PHF14: variants seen among roughly 807,000 people sequenced by gnomAD.
PHF14 encodes PHD finger protein 14.
PHF14 carries 55 observed loss-of-function variants against 117.9 expected under a neutral mutation model. The ratio of observed to expected loss-of-function variants is 0.47; its 90% CI spans 0.38 to 0.58. The LOEUF (loss-of-function observed/expected upper bound fraction) is 0.58, where lower values mean the gene tolerates loss of function less well. Ranked by LOEUF, PHF14 falls within the 20% of genes least tolerant of loss-of-function variation. The pLI, the probability that PHF14 is intolerant of heterozygous loss-of-function variation, is 0.00. For synonymous variants in PHF14, 409 were observed against 368.6 expected (o/e 1.11, Z -1.26); for missense variants, 978 against 1,122.2 (o/e 0.87, Z 1.84).
At chr7:11,036,341 T>A in intron 8 of PHF14, 77 bp from the exon 9 acceptor site, 1 of 1,235,524 alleles carries the variant, frequency 8.1e-7, no homozygotes, top group Admixed American at 2.4e-5. Flanking sequence ...AACATGGGAA[T>A]AAAAATCAAT....
chr7:11,147,514 A>G (rs1172209615), intron 17 of PHF14, among the ~76,000 whole-genome samples: 1 of 152,078 alleles, frequency 6.6e-6, no homozygotes, highest in Non-Finnish European at 1.5e-5. Flanking sequence ...GTCACTTACA[A>G]TCTCTTTCTT....
chr7:11,120,850 T>C (rs981684572), intron 17 of PHF14, among the ~76,000 whole-genome samples: 2 of 152,126 alleles, frequency 1.3e-5, no homozygotes, highest in African/African-American at 4.8e-5. Flanking sequence ...CTGGTATGAA[T>C]AATAGGAAAA....
At chr7:11,057,808 G>A (rs961494105) in intron 14 of PHF14, among the ~76,000 whole-genome samples, 4 of 151,734 alleles carry the variant, frequency 2.6e-5, no homozygotes, top group Admixed American at 6.6e-5. Context: ...AGTTGATCAC[G>A]GACAGATTAC....
intron 6 of PHF14, among the ~76,000 whole-genome samples, chr7:11,023,990 G>A (rs1783824748): frequency 6.6e-6 from 1 of 152,134 alleles, no homozygotes; most frequent in Non-Finnish European, 1.5e-5. Context: ...CCAAAAGCTG[G>A]GCCTCTTCTG....
chr7:11,083,661 C>T (rs1206208099), intron 16 of PHF14, among the ~76,000 whole-genome samples: 3 of 151,860 alleles, frequency 2.0e-5, no homozygotes, highest in Non-Finnish European at 4.4e-5. Context: ...CAGGGTTTCA[C>T]CATCTTGGCC....
chr7:11,156,935 C>T (rs1172281234), intron 17 of PHF14, among the ~76,000 whole-genome samples: 1 of 152,172 alleles, frequency 6.6e-6, no homozygotes, highest in African/African-American at 2.4e-5. Context: ...TCACAATACT[C>T]ACCTTTGGGC....
chr7:10,996,460 T>C (rs1432563935), intron 4 of PHF14, among the ~76,000 whole-genome samples: 1 of 151,680 alleles, frequency 6.6e-6, no homozygotes, highest in Admixed American at 6.6e-5. Context: ...GGACCATGGG[T>C]GATGACCCAG....
chr7:11,006,184 A>G (rs1487763050), intron 4 of PHF14, among the ~76,000 whole-genome samples: 1 of 152,188 alleles, frequency 6.6e-6, no homozygotes, highest in African/African-American at 2.4e-5. Context: ...CTACTTGATA[A>G]CATTGCATAT....
intron 5 of PHF14, among the ~76,000 whole-genome samples, chr7:11,017,989 GT>G (rs1783590599): frequency 6.6e-6 from 1 of 152,126 alleles, no homozygotes. Flanking sequence ...TGGATATGCA[GT>G]TTTTCCAGCA....
intron 16 of PHF14, chr7:11,107,469 A>ATC (rs1320883594): frequency 1.2e-6 from 1 of 823,150 alleles, no homozygotes; most frequent in Non-Finnish European, 1.5e-6. Context: ...TTTAGTAAGA[A>ATC]TCTAATTAGG....
intron 17 of PHF14, among the ~76,000 whole-genome samples, chr7:11,162,877 A>G (rs1456761722): frequency 6.6e-6 from 1 of 152,108 alleles, no homozygotes; most frequent in Non-Finnish European, 1.5e-5. Flanking sequence ...GCTGCCACAA[A>G]GAAGTAAAAA....
At chr7:11,065,457 CTG>C (rs1785392139) in intron 16 of PHF14, among the ~76,000 whole-genome samples, 1 of 152,018 alleles carries the variant, frequency 6.6e-6, no homozygotes, top group Non-Finnish European at 1.5e-5. Context: ...TAAGTAATGA[CTG>C]AGTATTCTTT....
At chr7:11,000,990 T>A (rs1363868844) in intron 4 of PHF14, among the ~76,000 whole-genome samples, 1 of 151,942 alleles carries the variant, frequency 6.6e-6, no homozygotes, top group African/African-American at 2.4e-5. Flanking sequence ...CTATAATTTT[T>A]TAATTATAAA....
chr7:11,093,908 G>C (rs1786743868), intron 16 of PHF14, among the ~76,000 whole-genome samples: 1 of 152,042 alleles, frequency 6.6e-6, no homozygotes, highest in African/African-American at 2.4e-5. Flanking sequence ...AATGTTTCCT[G>C]TCACTCCTGT....
intron 17 of PHF14, among the ~76,000 whole-genome samples, chr7:11,141,063 C>T (rs1300417359): frequency 6.6e-6 from 1 of 152,072 alleles, no homozygotes; most frequent in Non-Finnish European, 1.5e-5. Flanking sequence ...CTTAGCTGTG[C>T]CACTCTGGGA....
intron 4 of PHF14, among the ~76,000 whole-genome samples, chr7:11,013,229 T>C (rs1783414142): frequency 6.6e-6 from 1 of 152,172 alleles, no homozygotes; most frequent in African/African-American, 2.4e-5. Flanking sequence ...TGGCGCAATC[T>C]TGGCTCACTG....
At chr7:11,138,738 A>G (rs1451568803) in intron 17 of PHF14, among the ~76,000 whole-genome samples, 2 of 152,234 alleles carry the variant, frequency 1.3e-5, no homozygotes, top group Non-Finnish European at 1.5e-5. Context: ...AAGTCTTAAC[A>G]TGAGGAGTGG....
At chr7:11,138,858 T>A (rs1207664477) in intron 17 of PHF14, among the ~76,000 whole-genome samples, 1 of 152,216 alleles carries the variant, frequency 6.6e-6, no homozygotes, top group Non-Finnish European at 1.5e-5. Context: ...CTTCATTGTG[T>A]TACTTGGAAC....
chr7:11,035,637 T>C lies in PHF14; in HGVS notation c.1456-3T>C, dbSNP rs199886253. 5.0e-5 allele frequency: 79 copies of C among 1,581,710 alleles called. No individual in the cohort carries two copies. The highest frequency in any genetic ancestry group is 6.8e-5 in the East Asian group (3 of 44,236). Reference sequence around the variant, plus strand: ...ACTATTTTTCTGTGCTTTCTTTGTATAGGATATAGCAGATCCATTCTTTGC... The same window carrying C: ...ACTATTTTTCTGTGCTTTCTTTGTACAGGATATAGCAGATCCATTCTTTGC... On this transcript the variant is annotated splice_region_variant and splice_polypyrimidine_tract_variant and intron_variant, in intron 7 of 17. Coordinates refer to ENST00000634607, the MANE Select transcript of PHF14 (RefSeq NM_001007157.2).
Sources: allele counts gnomAD v4.1 joint callset (sites outside exome capture counted in the v4.1 genomes callset), GRCh38; gene constraint gnomAD v4.1.1; transcripts MANE v1.5; gene names NCBI Gene and HGNC (gene_info 2026-07-23, HGNC 2026-07-21).